The following RANBP2 variants were observed in gnomAD, a reference collection of about 807,000 sequenced individuals.
RANBP2 encodes RAN binding protein 2, also known as E3 SUMO-protein ligase RanBP2.
In RANBP2, 57 loss-of-function variants were observed where a neutral mutation model predicts 303.6. The observed-to-expected ratio is 0.19, with a 90% confidence interval of 0.15 to 0.23. The LOEUF (loss-of-function observed/expected upper bound fraction) is 0.23, where lower values mean the gene tolerates loss of function less well. Ranked by LOEUF, RANBP2 falls within the 10% of genes least tolerant of loss-of-function variation. The pLI is 1.00. For missense variants in RANBP2, 3,138 were observed against 3,780.8 expected (o/e 0.83, Z 4.46); for synonymous variants, 1,167 against 1,301.5 (o/e 0.90, Z 2.23).
At chr2:109,332,825 C>T in the RANBP2 span, among the ~76,000 whole-genome samples, 1 of 152,220 alleles carries the variant, frequency 6.6e-6, no homozygotes, top group African/African-American at 2.4e-5. Context: ...TTTTAACGTG[C>T]ACAGTATGTT....
chr2:109,456,158 C>G, the RANBP2 span, among the ~76,000 whole-genome samples: 1 of 152,308 alleles, frequency 6.6e-6, no homozygotes, highest in Admixed American at 6.5e-5. Flanking sequence ...CAGCCATGGG[C>G]CATGGAAACC....
the RANBP2 span, among the ~76,000 whole-genome samples, chr2:109,651,559 G>A: frequency 6.6e-6 from 1 of 152,190 alleles, no homozygotes; most frequent in Admixed American, 6.5e-5. Context: ...TGGCCCTGAA[G>A]AACAGTGGTG....
At chr2:108,974,346 A>G in the RANBP2 span, among the ~76,000 whole-genome samples, 1 of 151,198 alleles carries the variant, frequency 6.6e-6, no homozygotes, top group African/African-American at 2.4e-5. Flanking sequence ...AAAAAAAAAA[A>G]AAAAAAAAGA....
the RANBP2 span, among the ~76,000 whole-genome samples, chr2:108,990,666 A>G: frequency 6.6e-6 from 1 of 152,186 alleles, no homozygotes; most frequent in African/African-American, 2.4e-5. Context: ...CCTAGACTGT[A>G]AAGGACTAAT....
chr2:108,935,207 C>G, the RANBP2 span, among the ~76,000 whole-genome samples: 1 of 152,202 alleles, frequency 6.6e-6, no homozygotes, highest in East Asian at 1.9e-4. Context: ...CCCTTCCTTC[C>G]TCAATTCCCA....
the RANBP2 span, among the ~76,000 whole-genome samples, chr2:109,316,296 G>A: frequency 3.3e-5 from 5 of 152,154 alleles, no homozygotes; most frequent in Non-Finnish European, 7.3e-5. Flanking sequence ...GAGGCTGGGT[G>A]GATGCTGGGA....
chr2:108,741,608 C>G (rs189453916), intron 7 of RANBP2, among the ~76,000 whole-genome samples: 6,222 of 142,306 alleles, frequency 0.044, 443 homozygotes, highest in African/African-American at 0.15. Flanking sequence ...CGAGTTCACG[C>G]CATTTTCCTG....
chr2:109,187,039 A>C, the RANBP2 span, among the ~76,000 whole-genome samples: 1 of 152,068 alleles, frequency 6.6e-6, no homozygotes, highest in African/African-American at 2.4e-5. Flanking sequence ...CCCACCCCAT[A>C]GGTGCTGGCC....
At chr2:109,133,484 C>T in the RANBP2 span, among the ~76,000 whole-genome samples, 3 of 152,136 alleles carry the variant, frequency 2.0e-5, no homozygotes, top group African/African-American at 7.2e-5. Flanking sequence ...AGCTGAGGAC[C>T]TTTCTTTGAG....
At chr2:109,553,735 T>A in the RANBP2 span, among the ~76,000 whole-genome samples, 1 of 151,490 alleles carries the variant, frequency 6.6e-6, no homozygotes. Flanking sequence ...GCGCCTGTAG[T>A]CCCAGCTACA....
chr2:109,177,354 A>G, the RANBP2 span, among the ~76,000 whole-genome samples: 2 of 152,182 alleles, frequency 1.3e-5, no homozygotes, highest in Admixed American at 6.5e-5. Context: ...GGTACAAGGG[A>G]CTGCAACTAA....
chr2:109,143,603 A>G, the RANBP2 span, among the ~76,000 whole-genome samples: 1 of 152,056 alleles, frequency 6.6e-6, no homozygotes, highest in Non-Finnish European at 1.5e-5. Context: ...AGAAAAAAAG[A>G]ATCAGCTGGG....
chr2:109,644,863 C>T, the RANBP2 span, among the ~76,000 whole-genome samples: 3 of 152,144 alleles, frequency 2.0e-5, no homozygotes, highest in Non-Finnish European at 4.4e-5. Flanking sequence ...GATCCTAAGC[C>T]CCAAGGCCTG....
the RANBP2 span, among the ~76,000 whole-genome samples, chr2:109,533,451 C>T: frequency 1.3e-5 from 2 of 152,204 alleles, no homozygotes; most frequent in African/African-American, 2.4e-5. Flanking sequence ...AACACAAGAA[C>T]ATCTATCTTC....
the RANBP2 span, among the ~76,000 whole-genome samples, chr2:109,011,133 TCTTTTGC>T: frequency 1.8e-4 from 28 of 152,322 alleles, no homozygotes; most frequent in African/African-American, 6.7e-4. Context: ...TCAGATGAGT[TCTTTTGC>T]CTTTTTTCTT....
At chr2:109,508,121 C>A in the RANBP2 span, among the ~76,000 whole-genome samples, 1 of 152,294 alleles carries the variant, frequency 6.6e-6, no homozygotes, top group South Asian at 2.1e-4. Context: ...CCAGCAGGTT[C>A]AGGGTGCCAT....
At chr2:109,078,139 T>TGGA in the RANBP2 span, among the ~76,000 whole-genome samples, 1 of 59,768 alleles carries the variant, frequency 1.7e-5, no homozygotes, top group South Asian at 4.1e-4. Flanking sequence ...ATATATAGCG[T>TGGA]GTATATATAT....
At chr2:109,320,337 G>A in the RANBP2 span, among the ~76,000 whole-genome samples, 1 of 152,146 alleles carries the variant, frequency 6.6e-6, no homozygotes, top group Non-Finnish European at 1.5e-5. Flanking sequence ...GGAGGTACAG[G>A]CCCTCACCCT....
At chr2:109,455,038 T>C in the RANBP2 span, among the ~76,000 whole-genome samples, 6 of 152,352 alleles carry the variant, frequency 3.9e-5, no homozygotes, top group Non-Finnish European at 7.3e-5. Context: ...CTCTCCATTT[T>C]CCATGATGTT....
Sources: allele counts gnomAD v4.1 joint callset (sites outside exome capture counted in the v4.1 genomes callset), GRCh38; gene constraint gnomAD v4.1.1; transcripts MANE v1.5; gene names NCBI Gene and HGNC (gene_info 2026-07-23, HGNC 2026-07-21).